The following RAB11FIP3 variants were observed in gnomAD, a reference collection of about 807,000 sequenced individuals.
RAB11FIP3 encodes the protein rab11 family-interacting protein 3.
A neutral mutation model predicts 77.8 loss-of-function variants in RAB11FIP3; 17 were observed. That is an observed-to-expected ratio of 0.22 (90% CI 0.15 to 0.33). The LOEUF (loss-of-function observed/expected upper bound fraction) is 0.33, where lower values mean the gene tolerates loss of function less well. RAB11FIP3 is among the 10% of genes least tolerant of loss of function. RAB11FIP3 has a pLI of 1.00. For missense variants in RAB11FIP3, 1,005 were observed against 1,011.2 expected (o/e 0.99, Z 0.08); for synonymous variants, 437 against 448.2 (o/e 0.98, Z 0.31).
At chr16:510,893 C>G in intron 9 of RAB11FIP3, 93 bp downstream of exon 9, 1 of 1,465,810 alleles carries the variant, frequency 6.8e-7, no homozygotes, top group Non-Finnish European at 9.1e-7. Flanking sequence ...AACTGCAGGC[C>G]AGGTAGGCGA....
At chr16:486,732 T>C (rs2056162299) in intron 4 of RAB11FIP3, among the ~76,000 whole-genome samples, 2 of 152,074 alleles carry the variant, frequency 1.3e-5, no homozygotes, top group South Asian at 4.1e-4. Context: ...CAGGAAGAAG[T>C]GTCCTGAGGA....
intron 1 of RAB11FIP3, chr16:453,477 C>A (rs1247102685): frequency 6.6e-6 from 1 of 151,894 alleles, no homozygotes; most frequent in Non-Finnish European, 1.5e-5. Context: ...CAGCACAGTG[C>A]TTTTATTCTA....
chr16:428,640 C>G (rs1454880944), intron 1 of RAB11FIP3, among the ~76,000 whole-genome samples: 1 of 152,114 alleles, frequency 6.6e-6, no homozygotes, highest in Non-Finnish European at 1.5e-5. Flanking sequence ...ATAGCTCTCC[C>G]AAGGTCTCAC....
At chr16:446,453 G>A (rs2055318321) in intron 1 of RAB11FIP3, among the ~76,000 whole-genome samples, 1 of 152,142 alleles carries the variant, frequency 6.6e-6, no homozygotes, top group African/African-American at 2.4e-5. Flanking sequence ...CTCCTTGGCA[G>A]GCTGTCTTCC....
chr16:490,699 T>C (rs1311626313), intron 5 of RAB11FIP3, among the ~76,000 whole-genome samples: 1 of 152,246 alleles, frequency 6.6e-6, no homozygotes, highest in Non-Finnish European at 1.5e-5. Flanking sequence ...GAGGTGGTTT[T>C]TGGAGTAATC....
rs1162266494 is a variant in RAB11FIP3 at position 520,121 on chromosome 16, G to A, written c.1861-1G>A. The A allele has an allele frequency of 1.0e-5, 16 of 1,545,422 alleles. No homozygotes were observed. The highest frequency in any genetic ancestry group is 1.3e-5 in the Non-Finnish European group (15 of 1,147,384). ...CGGCTCACTGCACGGTTGCCCTGCA[G>A]CTGATCGAGGACCTCCGAAAGCAGC... On this transcript the variant is annotated splice_acceptor_variant, in intron 11 of 13. Transcript: ENST00000262305. LOFTEE classifies it high-confidence loss of function.
In RAB11FIP3 at chr16:455,252, G is replaced by A. The variant is rs143137672; in HGVS notation, c.715-6152G>A. On this transcript the variant is annotated intron_variant, in intron 1 of 13. Coordinates refer to ENST00000262305, the MANE Select transcript of RAB11FIP3 (RefSeq NM_014700.4). ...CCCAGCACTTTGGGAGGCCAAGGTG[G>A]GCGGATCACCTGAGGTCAGGAGTTC... Among the ~76,000 whole-genome samples, 82 of 151,914 alleles carry A rather than the reference G, an allele frequency of 5.4e-4. 1 individual carries two copies. Among genetic ancestry groups the A allele is most frequent in the South Asian group, 2.9e-3 (14 of 4,820 alleles).
At position 498,847 on chromosome 16, in the gene RAB11FIP3, C is replaced by T. The variant is rs989375693; in HGVS notation, c.1301+1988C>T. ...CATTTTAGGGGCTAGGGGCTAGGGG[C>T]TAGAGGAAGCAGAGGTGAACGTCAT... On this transcript the variant is annotated intron_variant, in intron 6 of 13. Transcript: ENST00000262305. Among the ~76,000 whole-genome samples the T allele has an allele frequency of 5.9e-5, 9 of 152,252 alleles. No individual in the cohort carries two copies. The East Asian group carries it at 1.5e-3, about 26-fold the overall frequency.
chr16:433,738 C>G (rs1005493794), intron 1 of RAB11FIP3, among the ~76,000 whole-genome samples: 4 of 151,622 alleles, frequency 2.6e-5, no homozygotes, highest in Non-Finnish European at 5.9e-5. Context: ...CGCCTGTAGA[C>G]CCACCTACTT....
chr16:494,206 C>T (rs2030895094), intron 5 of RAB11FIP3, among the ~76,000 whole-genome samples: 1 of 150,930 alleles, frequency 6.6e-6, no homozygotes, highest in Non-Finnish European at 1.5e-5. Flanking sequence ...GGTGTATTTT[C>T]AATTATAAAT....
intron 1 of RAB11FIP3, among the ~76,000 whole-genome samples, chr16:448,839 T>TG (rs1471447377): frequency 2.0e-5 from 3 of 151,486 alleles, no homozygotes; most frequent in Admixed American, 2.0e-4. Flanking sequence ...CACTTGAACC[T>TG]GGGAGGTGGG....
At chr16:446,780 C>T (rs1204224505) in intron 1 of RAB11FIP3, among the ~76,000 whole-genome samples, 2 of 152,024 alleles carry the variant, frequency 1.3e-5, no homozygotes, top group Non-Finnish European at 2.9e-5. Flanking sequence ...ACTGCAACCT[C>T]CGCCTCCTAG....
rs1274834074 is a variant in RAB11FIP3 at position 426,360 on chromosome 16, A to G, written c.354A>G (p.Glu118=). 9.8e-6 allele frequency: 15 copies of G among 1,536,054 alleles called. No homozygotes were observed. The Admixed American group carries it at 1.2e-4, about 12-fold the overall frequency. ...PGPRSEAPLP[E]LDPLFSWTEE... is the part of the protein sequence containing the mutation. Reference sequence around the variant, plus strand: ...CGCGCTCCGAAGCGCCGCTTCCAGAACTCGACCCGTTGTTCTCCTGGACTG... The same window carrying G: ...CGCGCTCCGAAGCGCCGCTTCCAGAGCTCGACCCGTTGTTCTCCTGGACTG... Residue 118 remains glutamate (E), a synonymous_variant, in exon 1 of 14, where the codon GAA becomes GAG. Coordinates refer to ENST00000262305, the MANE Select transcript of RAB11FIP3 (RefSeq NM_014700.4). The surrounding 1 kb of genome is among the most constrained non-coding windows in gnomAD (Gnocchi z 5.0).
intron 1 of RAB11FIP3, among the ~76,000 whole-genome samples, chr16:437,746 A>T (rs1290989099): frequency 4.6e-5 from 7 of 152,170 alleles, no homozygotes; most frequent in Non-Finnish European, 8.8e-5. Context: ...CATTTAATCA[A>T]ATAAAGTGAA....
Position 426,987 on chromosome 16 carries a change from C to G in RAB11FIP3, c.714+267C>G, listed in dbSNP as rs1247894974. Among the ~76,000 whole-genome samples the G allele has an allele frequency of 6.6e-6, 1 of 152,016 alleles. No individual in the cohort carries two copies. The highest frequency in any genetic ancestry group is 2.4e-5 in the African/African-American group (1 of 41,400). ...CCAGCGCCTCGTCAGCTGGATCTTA[C>G]CGAGGTCAGCTCCTCGCCTGGGGAC... On this transcript the variant is annotated intron_variant, in intron 1 of 13. Coordinates refer to ENST00000262305, the MANE Select transcript of RAB11FIP3 (RefSeq NM_014700.4). This position sits in a 1 kb window ranked among gnomAD's most constrained non-coding sequence, Gnocchi z 5.0.
At chr16:499,265 C>T (rs780835806) in intron 6 of RAB11FIP3, among the ~76,000 whole-genome samples, 10 of 152,108 alleles carry the variant, frequency 6.6e-5, no homozygotes, top group Non-Finnish European at 1.0e-4. Flanking sequence ...TGACGTGCAT[C>T]CCCAGCTACA....
At chr16:508,625 C>T (rs1040234018) in intron 8 of RAB11FIP3, among the ~76,000 whole-genome samples, 21 of 152,180 alleles carry the variant, frequency 1.4e-4, no homozygotes, top group Admixed American at 3.9e-4. Context: ...CCATCTGCCT[C>T]GGCCTCCCAA....
chr16:513,810 C>G (rs561577288), intron 9 of RAB11FIP3, among the ~76,000 whole-genome samples: 47 of 152,352 alleles, frequency 3.1e-4, no homozygotes, highest in African/African-American at 1.1e-3. Context: ...ACAGGGAGGC[C>G]TCCGTGCCTG....
At chr16:445,017 G>A (rs568818261) in intron 1 of RAB11FIP3, among the ~76,000 whole-genome samples, 1 of 151,226 alleles carries the variant, frequency 6.6e-6, no homozygotes, top group Admixed American at 6.6e-5. Context: ...GGGAGGCTGA[G>A]GCAGGAGAAT....
Sources: gnomAD v4.1 joint callset for allele counts (sites outside exome capture counted in the v4.1 genomes callset) on GRCh38, gnomAD v4.1.1 for gene constraint, Gnocchi (gnomAD v3.1) non-coding constraint, MANE v1.5 for transcripts, NCBI Gene and HGNC (gene_info 2026-07-23, HGNC 2026-07-21) for gene names.